PTPRB: variants seen among roughly 807,000 people sequenced by gnomAD.
The protein encoded by PTPRB is receptor-type tyrosine-protein phosphatase beta.
Under a neutral mutation model 238.1 loss-of-function variants are expected in PTPRB, and 97 were observed. The ratio of observed to expected loss-of-function variants is 0.41; its 90% CI spans 0.35 to 0.48. PTPRB has a LOEUF of 0.48. Among genes scored for constraint, PTPRB ranks in the 20% least tolerant of loss-of-function variants. PTPRB has a pLI of 0.30. For missense variants in PTPRB, 2,292 were observed against 2,681.9 expected (o/e 0.85, Z 3.21); for synonymous variants, 970 against 995.4 (o/e 0.97, Z 0.48).
At chr12:70,623,892 A>G (rs966743446) in intron 2 of PTPRB, among the ~76,000 whole-genome samples, 1 of 152,012 alleles carries the variant, frequency 6.6e-6, no homozygotes, top group Non-Finnish European at 1.5e-5. Context: ...TCCAATTTCA[A>G]CTGATTAGTG....
At chr12:70,572,120 A>C in intron 11 of PTPRB, 33 bp from the exon 12 acceptor site, 1 of 1,559,272 alleles carries the variant, frequency 6.4e-7, no homozygotes, top group Non-Finnish European at 8.7e-7. Context: ...CTAAATATTT[A>C]TGAATTCTGA....
intron 6 of PTPRB, among the ~76,000 whole-genome samples, chr12:70,593,617 A>C (rs1882714218): frequency 6.6e-6 from 1 of 151,958 alleles, no homozygotes; most frequent in Admixed American, 6.6e-5. Flanking sequence ...AATAACTTTT[A>C]AGATATATAG....
chr12:70,623,457 G>A lies in PTPRB; in HGVS notation c.452-811C>T, dbSNP rs150846219. On this transcript the variant is annotated intron_variant, in intron 2 of 33. Coordinates refer to ENST00000334414, the MANE Select transcript of PTPRB (RefSeq NM_001109754.4). Reference sequence around the variant, plus strand: ...TGCAAATTCTGACGCACTAGAGATGGTCAGAGCCAGCCTTTTTAACAAGCT... The same window carrying A: ...TGCAAATTCTGACGCACTAGAGATGATCAGAGCCAGCCTTTTTAACAAGCT... 2.0e-5 allele frequency among the ~76,000 whole-genome samples: 3 copies of A among 152,302 alleles called. No individual in the cohort carries two copies. The East Asian group carries it at 5.8e-4, about 29-fold the overall frequency.
At chr12:70,587,963 TG>T (rs562552769) in intron 8 of PTPRB, among the ~76,000 whole-genome samples, 56 of 150,604 alleles carry the variant, frequency 3.7e-4, no homozygotes, top group Admixed American at 6.0e-4. Context: ...TAGCCGGGCG[TG>T]GTGGCTCACA....
At chr12:70,572,181 GATT>G in intron 11 of PTPRB, 94 bp from the exon 12 acceptor site, 1 of 1,260,732 alleles carries the variant, frequency 7.9e-7, no homozygotes, top group South Asian at 1.4e-5. Context: ...AGAGAGAGTA[GATT>G]ATTATTGTGT....
rs766258509 is a variant in PTPRB at position 70,635,653 on chromosome 12, C to G, written c.451+18G>C. 1.9e-6 allele frequency: 3 copies of G among 1,603,056 alleles called. No individual in the cohort carries two copies. Among genetic ancestry groups the G allele is most frequent in the Non-Finnish European group, 1.7e-6 (2 of 1,174,070 alleles). On this transcript the variant is annotated intron_variant, in intron 2 of 33. Transcript: ENST00000334414. ...AGTAGAAAGACTTTCAGGATTTGCT[C>G]TGAAAGGAATAGCTCACCTTTTTGT...
At chr12:70,585,231 T>G (rs1234628813) in intron 9 of PTPRB, 3 of 152,144 alleles carry the variant, frequency 2.0e-5, no homozygotes, top group Non-Finnish European at 4.4e-5. Flanking sequence ...AGTGCTGGGA[T>G]TACAGATGTG....
chr12:70,576,662 T>TCGG lies in PTPRB; in HGVS notation c.2579-18_2579-17insCCG, dbSNP rs1555230172. On this transcript the variant is annotated splice_polypyrimidine_tract_variant and intron_variant, in intron 10 of 33. Transcript: ENST00000334414. ...TGGAAGGGACTGTGATTTTGAAAGG[T>TCGG]GGGGGGCGGGGGGGGGGGGGAAGGG... 1 of 15,194 alleles carries TCGG rather than the reference T, an allele frequency of 6.6e-5. No homozygotes were observed. The highest frequency in any genetic ancestry group is 3.3e-4 in the African/African-American group (1 of 3,076). The allele number at this position is 15,194 out of a possible 1,614,324, so 0.9% of individuals were successfully genotyped here. A position where few individuals can be genotyped will look rare whatever the true frequency, so the allele number is the denominator to read the frequency against.
chr12:70,594,382 A>G (rs1025239224), intron 6 of PTPRB, 85 bp downstream of exon 6: 19 of 1,514,824 alleles, frequency 1.3e-5, no homozygotes, highest in Non-Finnish European at 1.5e-5. Flanking sequence ...GTCCTATATT[A>G]CAGTTATTCA....
chr12:70,593,552 G>A (rs1882706891), intron 6 of PTPRB, among the ~76,000 whole-genome samples: 1 of 145,432 alleles, frequency 6.9e-6, no homozygotes, highest in African/African-American at 2.5e-5. Flanking sequence ...AATGGGCACA[G>A]CACTCTGATT....
chr12:70,617,743 C>T lies in PTPRB; in HGVS notation c.708+4647G>A, dbSNP rs1384344302. The stretch of plus-strand genomic sequence containing the variant: ...GGAGACTCACACTGGGCTGTGATCT[C>T]TTTGAAGGCCAAATAGAAGGAAACA... On this transcript the variant is annotated intron_variant, in intron 3 of 33. Coordinates refer to ENST00000334414, the MANE Select transcript of PTPRB (RefSeq NM_001109754.4). Among the ~76,000 whole-genome samples the T allele has an allele frequency of 3.3e-5, 5 of 151,428 alleles. No homozygotes were observed. The East Asian group carries it at 9.7e-4, about 30-fold the overall frequency.
chr12:70,531,184 G>T (rs1873179152), intron 32 of PTPRB, among the ~76,000 whole-genome samples: 1 of 152,182 alleles, frequency 6.6e-6, no homozygotes, highest in Non-Finnish European at 1.5e-5. Context: ...AGCTCAAAGG[G>T]GGCCTTGGCT....
intron 4 of PTPRB, among the ~76,000 whole-genome samples, chr12:70,597,539 T>C (rs1006701068): frequency 9.2e-5 from 14 of 152,182 alleles, no homozygotes; most frequent in Non-Finnish European, 1.9e-4. Context: ...AGTAGAACTA[T>C]TGAGAGACCT....
Position 70,622,475 on chromosome 12 carries a change from T to C in PTPRB, c.623A>G (p.Gln208Arg). The part of the protein sequence containing the change: ...ENYSQNSSER[Q>R]HPNLHMTGIT... ...TCCAGTCATGTGCAGATTGGGATGC[T>C]GCCTCTCGCTGCTGTTTTGGCTGTA... Residue 208 changes from glutamine (Q) to arginine (R), a missense_variant, in exon 3 of 34, where the codon CAG becomes CGG. Gln to Arg is a conservative substitution (Grantham distance 43). Transcript: ENST00000334414. 14 of 1,613,508 alleles carry C rather than the reference T, an allele frequency of 8.7e-6. No homozygotes were observed. The highest frequency in any genetic ancestry group is 1.1e-5 in the Non-Finnish European group (13 of 1,179,694).
rs1454073275 is a variant in PTPRB, at chr12:70,576,659, A to AGG, written c.2579-16_2579-15dup. 1 of 36,262 alleles carries AGG rather than the reference A, an allele frequency of 2.8e-5. No individual in the cohort carries two copies. Among genetic ancestry groups the AGG allele is most frequent in the Non-Finnish European group, 3.5e-5 (1 of 28,864 alleles). 2.2% of individuals were successfully genotyped at this position (36,262 alleles called of 1,614,324 possible). On this transcript the variant is annotated splice_polypyrimidine_tract_variant and intron_variant, in intron 10 of 33. Coordinates refer to ENST00000334414, the MANE Select transcript of PTPRB (RefSeq NM_001109754.4). ...CACTGGAAGGGACTGTGATTTTGAA[A>AGG]GGTGGGGGGCGGGGGGGGGGGGGAA...
intron 33 of PTPRB, 98 bp from the exon 34 acceptor site, chr12:70,521,609 C>T (rs1398953666): frequency 9.5e-7 from 1 of 1,053,832 alleles, no homozygotes; most frequent in Non-Finnish European, 1.3e-6. Context: ...CCAGCAGAAA[C>T]ATATAGCTCA....
intron 15 of PTPRB, among the ~76,000 whole-genome samples, chr12:70,565,400 C>T (rs1879158705): frequency 6.6e-6 from 1 of 152,180 alleles, no homozygotes; most frequent in Non-Finnish European, 1.5e-5. Context: ...ACCTCTTGGC[C>T]TTTGCACAGG....
chr12:70,535,607 G>A (rs1874009289), intron 29 of PTPRB, among the ~76,000 whole-genome samples: 1 of 152,122 alleles, frequency 6.6e-6, no homozygotes, highest in South Asian at 2.1e-4. Flanking sequence ...TTACAAGGGG[G>A]TTTGGTTGAT....
chr12:70,599,007 A>C (rs1317422557), intron 4 of PTPRB, among the ~76,000 whole-genome samples: 1 of 152,200 alleles, frequency 6.6e-6, no homozygotes, highest in Non-Finnish European at 1.5e-5. Flanking sequence ...ACTGGAAACA[A>C]ACACTTAAAA....
Sources: gnomAD v4.1 joint callset for allele counts (sites outside exome capture counted in the v4.1 genomes callset) on GRCh38, gnomAD v4.1.1 for gene constraint, MANE v1.5 for transcripts, NCBI Gene and HGNC (gene_info 2026-07-23, HGNC 2026-07-21) for gene names.